Variants in SMAD3 observed in about 807,000 individuals in gnomAD.
SMAD3 encodes the protein SMAD family member 3, also known as MAD homolog 3.
A neutral mutation model predicts 51.8 loss-of-function variants in SMAD3; 12 were observed. The observed-to-expected ratio is 0.23, with a 90% CI of 0.15 to 0.38. SMAD3 has a LOEUF of 0.38. Among genes scored for constraint, SMAD3 ranks in the 10% least tolerant of loss-of-function variants. The pLI is 1.00. For synonymous variants in SMAD3, 238 were observed against 227.7 expected, an observed-to-expected ratio of 1.05 and a Z score of -0.41; for missense variants, 294 against 565.6, an observed-to-expected ratio of 0.52 and a Z score of 4.87.
At chr15:67,128,718 C>A (rs1961449566) in intron 1 of SMAD3, among the ~76,000 whole-genome samples, 2 of 152,012 alleles carry the variant, frequency 1.3e-5, no homozygotes, top group South Asian at 4.1e-4. Context: ...ACTGCAGGTG[C>A]ACGCCACCAC....
chr15:67,067,311 GA>G (rs1360164296), intron 1 of SMAD3, among the ~76,000 whole-genome samples: 1 of 152,222 alleles, frequency 6.6e-6, no homozygotes, highest in Non-Finnish European at 1.5e-5. Context: ...ATGGCTGATA[GA>G]AGGGGTCAGT....
chr15:67,184,689 CA>C (rs1963172917), intron 6 of SMAD3, 37 bp from the exon 7 acceptor site: 1 of 1,613,246 alleles, frequency 6.2e-7, no homozygotes, highest in Non-Finnish European at 8.5e-7. Context: ...TGTGTGTGAG[CA>C]AAGGCACCCT....
At chr15:67,172,927 G>A (rs541662278) in intron 5 of SMAD3, among the ~76,000 whole-genome samples, 23 of 152,314 alleles carry the variant, frequency 1.5e-4, no homozygotes, top group Admixed American at 1.3e-3. Context: ...AGCCCTGCCT[G>A]CTTGTATGCC....
rs1262759674 is a variant in SMAD3 at position 67,192,309 on chromosome 15, A to C, written c.*1773A>C. ...TGCTCCCCAAGCCTCCTGAGGACAC[A>C]GGAAGAGACGGAAGGAGCACCTTGA... On this transcript the variant is annotated 3_prime_UTR_variant, in exon 9 of 9. Coordinates refer to ENST00000327367, the MANE Select transcript of SMAD3 (RefSeq NM_005902.4). 4.3e-6 allele frequency: 1 copy of C among 232,890 alleles called. No individual in the cohort carries two copies. The highest frequency in any genetic ancestry group is 8.5e-6 in the Non-Finnish European group (1 of 117,696). The allele number at this position is 232,890 out of a possible 1,614,324, so 14.4% of individuals were successfully genotyped here.
chr15:67,166,937 C>T (rs568375959), intron 4 of SMAD3, 84 bp downstream of exon 4: 1 of 997,342 alleles, frequency 1.0e-6, no homozygotes, highest in Non-Finnish European at 1.6e-6. Flanking sequence ...TCTTCGCCCT[C>T]TCCCTCCCTC....
intron 1 of SMAD3, among the ~76,000 whole-genome samples, chr15:67,079,025 C>G (rs1960227629): frequency 1.3e-5 from 2 of 151,708 alleles, no homozygotes; most frequent in African/African-American, 2.4e-5. Flanking sequence ...GTTGCCCAGG[C>G]TGGAGTGCAA....
rs777303695 is a variant in SMAD3 at position 67,066,145 on chromosome 15, C to T, written c.-10C>T. 3 of 1,580,076 alleles carry T rather than the reference C, an allele frequency of 1.9e-6. No individual in the cohort carries two copies. Among genetic ancestry groups the T allele is most frequent in the Non-Finnish European group, 1.7e-6 (2 of 1,164,252 alleles). ...GGGCGCTCCTCGCCGCCCGCGCGCC[C>T]TCCCCAGCCATGTCGTCCATCCTGC... On this transcript the variant is annotated 5_prime_UTR_variant, in exon 1 of 9. Coordinates refer to ENST00000327367, the MANE Select transcript of SMAD3 (RefSeq NM_005902.4).
At chr15:67,125,506 C>A (rs752477997) in intron 1 of SMAD3, among the ~76,000 whole-genome samples, 1 of 152,200 alleles carries the variant, frequency 6.6e-6, no homozygotes, top group Non-Finnish European at 1.5e-5. Flanking sequence ...TGTAGCCCAC[C>A]GTGGGTGGAT....
At chr15:67,185,744 T>C (rs1241906936) in intron 7 of SMAD3, among the ~76,000 whole-genome samples, 2 of 151,836 alleles carry the variant, frequency 1.3e-5, no homozygotes, top group East Asian at 3.9e-4. Flanking sequence ...ATCTAAGGCC[T>C]CTTTCCTCAG....
intron 5 of SMAD3, among the ~76,000 whole-genome samples, chr15:67,171,786 C>A (rs994203144): frequency 1.3e-5 from 2 of 152,076 alleles, no homozygotes; most frequent in African/African-American, 4.8e-5. Context: ...CCATGAGTGC[C>A]GGGCTTTGCA....
At chr15:67,094,433 C>T (rs1960572537) in intron 1 of SMAD3, among the ~76,000 whole-genome samples, 3 of 152,140 alleles carry the variant, frequency 2.0e-5, no homozygotes, top group Admixed American at 2.0e-4. Context: ...GCAGACTTGG[C>T]ACGAGACAAT....
At chr15:67,112,368 T>C (rs1459411903) in intron 1 of SMAD3, among the ~76,000 whole-genome samples, 3,139 of 93,664 alleles carry the variant, frequency 0.034, 116 homozygotes, top group East Asian at 0.088. Flanking sequence ...ACCGTGTTGG[T>C]CAAGCTGGTC....
intron 1 of SMAD3, among the ~76,000 whole-genome samples, chr15:67,096,843 T>C (rs931501475): frequency 6.6e-6 from 1 of 152,212 alleles, no homozygotes; most frequent in Non-Finnish European, 1.5e-5. Context: ...CAAGTGAGCA[T>C]GTGTGCTTGC....
intron 1 of SMAD3, among the ~76,000 whole-genome samples, chr15:67,076,327 A>G (rs545320161): frequency 6.6e-6 from 1 of 152,348 alleles, no homozygotes; most frequent in Admixed American, 6.5e-5. Context: ...ACTTCGATGA[A>G]TCAGGTCTCC....
chr15:67,074,696 T>A (rs947237829), intron 1 of SMAD3, among the ~76,000 whole-genome samples: 4 of 152,334 alleles, frequency 2.6e-5, no homozygotes, highest in Non-Finnish European at 5.9e-5. Context: ...TCTCTCTCTT[T>A]TTTTGTTTTT....
intron 1 of SMAD3, among the ~76,000 whole-genome samples, chr15:67,095,048 C>T (rs1437417811): frequency 6.6e-6 from 1 of 152,150 alleles, no homozygotes; most frequent in Non-Finnish European, 1.5e-5. Flanking sequence ...AACATATGTA[C>T]AAGGCATTGC....
At chr15:67,141,038 C>G (rs969914516) in intron 1 of SMAD3, among the ~76,000 whole-genome samples, 1 of 152,136 alleles carries the variant, frequency 6.6e-6, no homozygotes, top group African/African-American at 2.4e-5. Context: ...CTCTGCAGGC[C>G]AAGCACAACA....
At chr15:67,177,763 A>G (rs778576288) in intron 5 of SMAD3, among the ~76,000 whole-genome samples, 26 of 150,950 alleles carry the variant, frequency 1.7e-4, no homozygotes, top group Non-Finnish European at 3.5e-4. Context: ...AAAATGTGCC[A>G]TTGAAGGCAG....
chr15:67,151,009 C>T (rs920461126), intron 1 of SMAD3, among the ~76,000 whole-genome samples: 2 of 151,364 alleles, frequency 1.3e-5, no homozygotes, highest in Non-Finnish European at 2.9e-5. Context: ...GTGCCCACCA[C>T]CATGCCTGGC....
Sources: allele counts gnomAD v4.1 joint callset (sites outside exome capture counted in the v4.1 genomes callset), GRCh38; gene constraint gnomAD v4.1.1; transcripts MANE v1.5; gene names NCBI Gene and HGNC (gene_info 2026-07-23, HGNC 2026-07-21).